SNX12: variants seen among roughly 807,000 people sequenced by gnomAD.
SNX12 encodes the protein sorting nexin 12.
For synonymous variants in SNX12, 47 were observed against 56.0 expected (o/e 0.84, Z 0.71); for missense variants, 62 against 141.3 (o/e 0.44, Z 2.84).
At position 71,068,263 on chromosome X, in the gene SNX12, T is replaced by C; in HGVS notation, c.44A>G (p.Lys15Arg). 1 of 1,208,208 alleles carries C rather than the reference T, an allele frequency of 8.3e-7. No homozygotes were observed. Among genetic ancestry groups the C allele is most frequent in the Non-Finnish European group, 1.1e-6 (1 of 893,706 alleles). Reference protein sequence around the residue: ...AVADTRRLNSKPQDLTDAYGP... With the variant: ...AVADTRRLNSRPQDLTDAYGP... ...GTAAGCGTCGGTCAGGTCCTGCGGCTTCGAGTTAAGGCGCCGGGTATCAGC... is the reference window on the plus strand; with the variant it reads ...GTAAGCGTCGGTCAGGTCCTGCGGCCTCGAGTTAAGGCGCCGGGTATCAGC... Residue 15 changes from lysine (K) to arginine (R), a missense_variant, in exon 1 of 4, where the codon AAG (lysine) becomes AGG (arginine). Coordinates refer to ENST00000374274, the MANE Select transcript of SNX12 (RefSeq NM_013346.4).
At chrX:71,068,964 G>A (rs776044533), upstream of SNX12, among the ~76,000 whole-genome samples, 25 of 111,342 alleles carry the variant, frequency 2.2e-4, no homozygotes, top group African/African-American at 8.2e-4. Context: ...GGAAAATTGG[G>A]CATATCTTAC....
upstream of SNX12, among the ~76,000 whole-genome samples, chrX:71,072,212 C>G (rs1413935696): frequency 9.5e-6 from 1 of 105,235 alleles, no homozygotes; most frequent in East Asian, 2.9e-4. Flanking sequence ...GATCCGAGAT[C>G]GAGCCACTGC....
upstream of SNX12, among the ~76,000 whole-genome samples, chrX:71,073,075 A>ACAC (rs2092178127): frequency 3.8e-5 from 3 of 79,367 alleles, no homozygotes; most frequent in African/African-American, 1.6e-4. Flanking sequence ...CACACACACA[A>ACAC]AGAGTAGCTG....
At chrX:71,063,766 C>T (rs1245942154) in intron 1 of SNX12, among the ~76,000 whole-genome samples, 1 of 109,582 alleles carries the variant, frequency 9.1e-6, no homozygotes, top group East Asian at 2.9e-4. Flanking sequence ...GTAAAAAAGC[C>T]AGGTGTAGTG....
upstream of SNX12, among the ~76,000 whole-genome samples, chrX:71,068,696 A>C (rs1019025527): frequency 1.3e-4 from 15 of 113,029 alleles, no homozygotes; most frequent in Non-Finnish European, 2.4e-4. Context: ...CTGCCCCGTG[A>C]GCCAGGCTCC....
intron 1 of SNX12, among the ~76,000 whole-genome samples, chrX:71,064,716 A>C (rs2092145280): frequency 8.8e-6 from 1 of 113,146 alleles, no homozygotes; most frequent in African/African-American, 3.2e-5. Context: ...CAAGTTCTAA[A>C]TAGAAATGGC....
intron 1 of SNX12, among the ~76,000 whole-genome samples, chrX:71,064,847 G>A (rs184826415): frequency 2.7e-5 from 3 of 112,975 alleles, no homozygotes; most frequent in Admixed American, 1.9e-4. Flanking sequence ...AGAGCAACTC[G>A]AAACTCCATT....
chrX:71,071,541 ATAT>A (rs1380858924), upstream of SNX12, among the ~76,000 whole-genome samples: 1 of 61,049 alleles, frequency 1.6e-5, no homozygotes, highest in Non-Finnish European at 2.7e-5. Flanking sequence ...ATATTTATAT[ATAT>A]TATATATAAA....
At chrX:71,072,976 G>C (rs1268474614), upstream of SNX12, among the ~76,000 whole-genome samples, 1 of 104,298 alleles carries the variant, frequency 9.6e-6, no homozygotes, top group Non-Finnish European at 2.0e-5. Flanking sequence ...CAGAAGTTCA[G>C]AGTTACTAAG....
chrX:71,071,970 C>A (rs2092175352), upstream of SNX12, among the ~76,000 whole-genome samples: 1 of 109,664 alleles, frequency 9.1e-6, no homozygotes, highest in Non-Finnish European at 1.9e-5. Flanking sequence ...AAAAGAACAG[C>A]TTGTGGGCCG....
intron 1 of SNX12, among the ~76,000 whole-genome samples, chrX:71,066,374 G>T (rs765401793): frequency 9.0e-6 from 1 of 111,357 alleles, no homozygotes; most frequent in South Asian, 3.7e-4. Context: ...AGGATCACTT[G>T]CGGTCAGCAG....
upstream of SNX12, chrX:71,068,346 G>A (rs754557451): frequency 2.6e-4 from 290 of 1,113,916 alleles, no homozygotes; most frequent in Non-Finnish European, 3.5e-4. Flanking sequence ...AAGGGGGTGG[G>A]GGACAGAGGC....
At chrX:71,062,034 C>A in intron 2 of SNX12, 67 bp from the exon 3 acceptor site, 1 of 1,028,397 alleles carries the variant, frequency 9.7e-7, no homozygotes, top group African/African-American at 1.9e-5. Context: ...TGGTAAAGCA[C>A]CGTGTACCTC....
At chrX:71,069,968 AAGAGAG>A (rs57691567), upstream of SNX12, among the ~76,000 whole-genome samples, 332 of 96,309 alleles carry the variant, frequency 3.4e-3, 1 homozygote, top group African/African-American at 0.011. Context: ...AGGAAAAGAA[AAGAGAG>A]AGAGAGAGAG....
intron 1 of SNX12, among the ~76,000 whole-genome samples, chrX:71,067,610 G>T (rs1456509218): frequency 8.9e-6 from 1 of 112,120 alleles, no homozygotes; most frequent in African/African-American, 3.2e-5. Context: ...GCTCCCACAA[G>T]CCTACTGTCT....
chrX:71,069,709 G>A (rs1328021936), upstream of SNX12, among the ~76,000 whole-genome samples: 1 of 111,859 alleles, frequency 8.9e-6, no homozygotes, highest in African/African-American at 3.3e-5. Flanking sequence ...GGGAGGCCGA[G>A]GCAGGCAGAT....
intron 3 of SNX12, 118 bp downstream of exon 3, chrX:71,061,723 ACT>A: frequency 7.7e-6 from 5 of 652,003 alleles, no homozygotes; most frequent in South Asian, 5.5e-5. Flanking sequence ...ACAGAGTGAG[ACT>A]CTGTCTCAAA....
upstream of SNX12, among the ~76,000 whole-genome samples, chrX:71,072,029 G>A (rs937161180): frequency 1.8e-5 from 2 of 110,577 alleles, no homozygotes; most frequent in African/African-American, 3.3e-5. Flanking sequence ...AGGCCAAGGC[G>A]GGCTGATTGC....
In SNX12 at chrX:71,059,373, C is replaced by T; in HGVS notation, c.*1643G>A. 9.0e-6 allele frequency: 1 copy of T among 111,684 alleles called. No homozygotes were observed. The highest frequency in any genetic ancestry group is 1.9e-5 in the Non-Finnish European group (1 of 53,227). 9.2% of individuals were successfully genotyped at this position (111,684 alleles called of 1,213,427 possible). ...CACAGCAGAAATGGGGCCTCAGACTCTCAGCACTTGTGCACAATGAAAGAG... is the reference window on the plus strand; with the variant it reads ...CACAGCAGAAATGGGGCCTCAGACTTTCAGCACTTGTGCACAATGAAAGAG... On this transcript the variant is annotated 3_prime_UTR_variant, in exon 4 of 4. Transcript: ENST00000374274.
Sources: allele counts gnomAD v4.1 joint callset (sites outside exome capture counted in the v4.1 genomes callset), GRCh38; gene constraint gnomAD v4.1.1; transcripts MANE v1.5; gene names NCBI Gene and HGNC (gene_info 2026-07-23, HGNC 2026-07-21).